Variants in RNF128 observed in about 807,000 individuals in gnomAD.
RNF128 encodes the protein ring finger protein 128.
In RNF128, 13 loss-of-function variants were observed where a neutral mutation model predicts 26.2. The ratio of observed to expected loss-of-function variants is 0.50; its 90% confidence interval spans 0.32 to 0.79. The LOEUF is 0.79. Ranked by LOEUF, RNF128 falls within the 30% of genes least tolerant of loss-of-function variation. The probability of loss-of-function intolerance (pLI) is 0.03; values close to 1 mark genes in which losing one functional copy is unlikely to be tolerated. For missense variants in RNF128, 315 were observed against 349.7 expected, an observed-to-expected ratio of 0.90 and a Z score of 0.79; for synonymous variants, 149 against 142.5, an observed-to-expected ratio of 1.05 and a Z score of -0.32.
In RNF128 at chrX:106,718,879, C is replaced by T. The variant is rs140956990; in HGVS notation, c.406+24471C>T. ...TTCAGTTGTCCCAACTACGTGCTAG[C>T]ACCTGGTCACTTATTGCCAGATACT... On this transcript the variant is annotated intron_variant, in intron 1 of 6. Transcript: ENST00000324342. 7.9e-3 allele frequency among the ~76,000 whole-genome samples: 878 copies of T among 111,779 alleles called. 3 individuals are homozygous for T. The highest frequency in any genetic ancestry group is 0.012 in the Non-Finnish European group (618 of 53,167).
At chrX:106,703,565 A>G (rs1479055820) in intron 1 of RNF128, among the ~76,000 whole-genome samples, 1 of 111,575 alleles carries the variant, frequency 9.0e-6, no homozygotes, top group East Asian at 2.8e-4. Flanking sequence ...GTGAGCATAT[A>G]CTATGGAAGG....
chrX:106,714,126 C>T (rs1311208087), intron 1 of RNF128, among the ~76,000 whole-genome samples: 1 of 104,806 alleles, frequency 9.5e-6, no homozygotes, highest in African/African-American at 3.5e-5. Context: ...TGCAGTGAGC[C>T]GAGATGGCAT....
At chrX:106,711,610 A>G (rs1257533658) in intron 1 of RNF128, among the ~76,000 whole-genome samples, 1 of 112,400 alleles carries the variant, frequency 8.9e-6, no homozygotes, top group Non-Finnish European at 1.9e-5. Context: ...GAAAGGCCCA[A>G]CAGACAGCAT....
rs370949109 is a variant in RNF128, at chrX:106,793,670, A to T, written c.1154-1910A>T. ...TCAGTCTTTGTCTTTCATGACCTTG[A>T]CACTTCTGAAGATTACTGGTCAGTT... On this transcript the variant is annotated intron_variant, in intron 6 of 6. Coordinates refer to ENST00000255499, the MANE Select transcript of RNF128 (RefSeq NM_194463.2). 3.4e-4 allele frequency among the ~76,000 whole-genome samples: 38 copies of T among 111,105 alleles called. No homozygotes were observed. In the East Asian group the frequency reaches 0.01, roughly 31 times the overall value.
chrX:106,737,072 A>G (rs904713913), intron 1 of RNF128, among the ~76,000 whole-genome samples: 2 of 111,241 alleles, frequency 1.8e-5, no homozygotes, highest in Non-Finnish European at 3.8e-5. Flanking sequence ...TTTTCCATGT[A>G]CTTCACCTTA....
chrX:106,770,001 A>G (rs949793999), intron 1 of RNF128, among the ~76,000 whole-genome samples: 2 of 110,810 alleles, frequency 1.8e-5, no homozygotes, highest in Non-Finnish European at 3.8e-5. Context: ...TTTCTCCTTC[A>G]CTTTTGAAGC....
rs755976265 is a variant in RNF128, at chrX:106,771,654, C to T, written c.485-1259C>T. ...CCGATTTTCCAGGTACGGTCTGTCA[C>T]GGCTTCCCTTTGCTAGGAAAGGGAA... On this transcript the variant is annotated intron_variant, in intron 1 of 6. Coordinates refer to ENST00000255499, the MANE Select transcript of RNF128 (RefSeq NM_194463.2). Among the ~76,000 whole-genome samples, 10 of 112,792 alleles carry T rather than the reference C, an allele frequency of 8.9e-5. No homozygotes were observed. In the East Asian group the frequency reaches 2.0e-3, roughly 22 times the overall value.
chrX:106,719,008 T>C (rs1266622204), intron 1 of RNF128, among the ~76,000 whole-genome samples: 2 of 112,332 alleles, frequency 1.8e-5, no homozygotes, highest in Non-Finnish European at 1.9e-5. Flanking sequence ...CCCCTTGGAA[T>C]ACAAAGGCAG....
At chrX:106,754,168 G>T (rs1334873520) in intron 1 of RNF128, among the ~76,000 whole-genome samples, 1 of 111,325 alleles carries the variant, frequency 9.0e-6, no homozygotes, top group Non-Finnish European at 1.9e-5. Flanking sequence ...TTTGGCACGT[G>T]GATCATTCTC....
chrX:106,731,089 G>A (rs1006226074), intron 1 of RNF128, among the ~76,000 whole-genome samples: 3 of 112,311 alleles, frequency 2.7e-5, no homozygotes, highest in African/African-American at 9.7e-5. Flanking sequence ...CAGATAAAGC[G>A]TTTAGCACAG....
chrX:106,791,668 G>A (rs757395794), intron 6 of RNF128, among the ~76,000 whole-genome samples: 1 of 111,317 alleles, frequency 9.0e-6, no homozygotes, highest in Admixed American at 9.6e-5. Flanking sequence ...CCCATGTTTT[G>A]CAAGTAGGAA....
At chrX:106,788,393 AT>A (rs1930712740) in intron 4 of RNF128, among the ~76,000 whole-genome samples, 1 of 43,225 alleles carries the variant, frequency 2.3e-5, no homozygotes, top group Non-Finnish European at 3.4e-5. Context: ...TATATAATAT[AT>A]ATTATATATA....
Position 106,772,955 on chromosome X carries a change from G to C in RNF128, c.527G>C (p.Gly176Ala). 8.3e-7 allele frequency: 1 copy of C among 1,210,053 alleles called. No individual in the cohort carries two copies. The highest frequency in any genetic ancestry group is 1.1e-6 in the Non-Finnish European group (1 of 894,471). Residue 176 changes from glycine to alanine, a missense_variant, in exon 2 of 7, where the codon GGC becomes GCC. Transcript: ENST00000255499. ...GCAATCATGATCGGCAATCTGAAAG[G>C]CACAAAAATTCTGCAATCTATTCAA... Reference protein sequence around the residue: ...IVAIMIGNLKGTKILQSIQRG... With the variant: ...IVAIMIGNLKATKILQSIQRG...
chrX:106,766,997 G>C (rs1293843895), intron 1 of RNF128, among the ~76,000 whole-genome samples: 2 of 111,195 alleles, frequency 1.8e-5, no homozygotes, highest in East Asian at 5.6e-4. Flanking sequence ...TCTTGTTTTT[G>C]TCAGGTTTGT....
chrX:106,776,710 T>G (rs982925339), intron 2 of RNF128, among the ~76,000 whole-genome samples: 2 of 111,519 alleles, frequency 1.8e-5, no homozygotes, highest in African/African-American at 6.5e-5. Context: ...ATCCTCAAAT[T>G]TATGGAATTT....
chrX:106,726,747 A>C lies in RNF128; in HGVS notation c.-167A>C. 1 of 1,049,078 alleles carries C rather than the reference A, an allele frequency of 9.5e-7. No homozygotes were observed. The highest frequency in any genetic ancestry group is 2.0e-5 in the African/African-American group (1 of 51,081). 86.5% of individuals were successfully genotyped at this position (1,049,078 alleles called of 1,213,427 possible). On this transcript the variant is annotated 5_prime_UTR_variant, in exon 1 of 7. Coordinates refer to ENST00000255499, the MANE Select transcript of RNF128 (RefSeq NM_194463.2). ...GCTCCGAGGAGCTGCATCTGCGGCA[A>C]CCTGTGTGCTGACGCTACGTGCCTC...
intron 4 of RNF128, among the ~76,000 whole-genome samples, chrX:106,788,513 T>A (rs1325198260): frequency 9.6e-4 from 54 of 56,466 alleles, no homozygotes; most frequent in African/African-American, 3.7e-3. Context: ...TAATTATAAT[T>A]ATAATATATA....
intron 1 of RNF128, among the ~76,000 whole-genome samples, chrX:106,712,118 A>G (rs375289835): frequency 1.8e-5 from 2 of 112,521 alleles, no homozygotes; most frequent in East Asian, 5.6e-4. Context: ...ATCACTCAAC[A>G]TACTTCAGAG....
intron 1 of RNF128, among the ~76,000 whole-genome samples, chrX:106,755,397 A>G (rs1015384840): frequency 9.0e-6 from 1 of 111,334 alleles, no homozygotes; most frequent in African/African-American, 3.3e-5. Flanking sequence ...AAATACTTCC[A>G]GACTCATTCT....
Sources: gnomAD v4.1 joint callset for allele counts (sites outside exome capture counted in the v4.1 genomes callset) on GRCh38, gnomAD v4.1.1 for gene constraint, MANE v1.5 for transcripts, NCBI Gene and HGNC (gene_info 2026-07-23, HGNC 2026-07-21) for gene names.